SNTG1: variants seen among roughly 807,000 people sequenced by gnomAD.
The protein encoded by SNTG1 is gamma-1-syntrophin.
SNTG1 carries 39 observed loss-of-function variants against 74.7 expected under a neutral mutation model. The observed-to-expected ratio is 0.52, with a 90% CI of 0.40 to 0.68. The LOEUF (loss-of-function observed/expected upper bound fraction) is 0.68, where lower values mean the gene tolerates loss of function less well. Among genes scored for constraint, SNTG1 ranks in the 30% least tolerant of loss-of-function variants. The probability of loss-of-function intolerance (pLI) is 0.00; values close to 1 mark genes in which losing one functional copy is unlikely to be tolerated. For missense variants in SNTG1, 685 were observed against 609.5 expected (o/e 1.12, Z -1.30); for synonymous variants, 254 against 217.1 (o/e 1.17, Z -1.49).
chr8:50,301,170 C>A (rs2089629337), intron 2 of SNTG1, among the ~76,000 whole-genome samples: 1 of 152,014 alleles, frequency 6.6e-6, no homozygotes, highest in Non-Finnish European at 1.5e-5. Flanking sequence ...TCCTTCATCA[C>A]TCTCTCCTGC....
chr8:50,436,142 A>G (rs1169112553), intron 4 of SNTG1, among the ~76,000 whole-genome samples: 4 of 152,144 alleles, frequency 2.6e-5, no homozygotes, highest in Non-Finnish European at 2.9e-5. Flanking sequence ...TGAAATTTGT[A>G]TTTTAAGACA....
intron 4 of SNTG1, among the ~76,000 whole-genome samples, chr8:50,404,642 G>A (rs896045519): frequency 2.0e-5 from 3 of 151,388 alleles, no homozygotes; most frequent in African/African-American, 2.4e-5. Flanking sequence ...TTTTTTAACT[G>A]TGGTAAAATA....
At chr8:50,259,103 C>T (rs1308859647) in intron 2 of SNTG1, among the ~76,000 whole-genome samples, 1 of 152,142 alleles carries the variant, frequency 6.6e-6, no homozygotes, top group Admixed American at 6.6e-5. Flanking sequence ...TTTACAAGGA[C>T]ATTGCCATGG....
intron 2 of SNTG1, among the ~76,000 whole-genome samples, chr8:50,238,839 G>A (rs535006947): frequency 6.6e-6 from 1 of 151,988 alleles, no homozygotes; most frequent in Non-Finnish European, 1.5e-5. Flanking sequence ...AATGTTCATA[G>A]ACAGACACTT....
intron 1 of SNTG1, among the ~76,000 whole-genome samples, chr8:50,155,104 CA>C (rs1181537825): frequency 6.6e-6 from 1 of 152,092 alleles, no homozygotes; most frequent in Non-Finnish European, 1.5e-5. Flanking sequence ...TACTTGAGAT[CA>C]ATTAATAGAG....
In SNTG1 at chr8:50,775,029, T is replaced by C. The variant is rs986147804; in HGVS notation, c.1396-17642T>C. Reference sequence around the variant, plus strand: ...ATACATATATATACATGTACATATATAGTGTTATAACCCCCAAAATAAAAA... The same window carrying C: ...ATACATATATATACATGTACATATACAGTGTTATAACCCCCAAAATAAAAA... On this transcript the variant is annotated intron_variant, in intron 18 of 18. Transcript: ENST00000642720. 4.0e-5 allele frequency among the ~76,000 whole-genome samples: 6 copies of C among 150,886 alleles called. No individual in the cohort carries two copies. In the Admixed American group the frequency reaches 4.0e-4, roughly 10 times the overall value.
At chr8:50,776,833 C>A (rs891612281) in intron 18 of SNTG1, among the ~76,000 whole-genome samples, 1 of 151,774 alleles carries the variant, frequency 6.6e-6, no homozygotes, top group African/African-American at 2.4e-5. Context: ...CCCTTAATTT[C>A]TGAAGCACTA....
At chr8:50,301,056 T>A (rs1310472784) in intron 2 of SNTG1, among the ~76,000 whole-genome samples, 2 of 152,172 alleles carry the variant, frequency 1.3e-5, no homozygotes, top group African/African-American at 4.8e-5. Context: ...TGTGTGTTTT[T>A]GTATGTGCTT....
intron 2 of SNTG1, among the ~76,000 whole-genome samples, chr8:50,218,214 G>A (rs1223745758): frequency 6.6e-6 from 1 of 152,162 alleles, no homozygotes; most frequent in Non-Finnish European, 1.5e-5. Context: ...AACTATCTCT[G>A]AGGAATGCAC....
rs183927242 is a variant in SNTG1, at chr8:50,120,684, G to A, written c.-102-51877G>A. Among the ~76,000 whole-genome samples, 85 of 141,852 alleles carry A rather than the reference G, an allele frequency of 6.0e-4. 18 individuals carry two copies. The highest frequency in any genetic ancestry group is 1.1e-3 in the South Asian group (4 of 3,800). 93.1% of individuals were successfully genotyped at this position (141,852 alleles called of 152,430 possible). A position where few individuals can be genotyped will look rare whatever the true frequency, so the allele number is the denominator to read the frequency against. On this transcript the variant is annotated intron_variant, in intron 1 of 18. Coordinates refer to ENST00000642720, the MANE Select transcript of SNTG1 (RefSeq NM_018967.5). ...TATTACCGCTGTTATCACCACCAAC[G>A]CTACTAATAGTATTGCAATGAGGTT...
intron 15 of SNTG1, among the ~76,000 whole-genome samples, chr8:50,659,835 A>G (rs570873365): frequency 6.6e-6 from 1 of 152,284 alleles, no homozygotes; most frequent in South Asian, 2.1e-4. Flanking sequence ...AAAATGGCTA[A>G]TGAGATAGCT....
At chr8:50,569,294 T>G (rs1406279434) in intron 12 of SNTG1, among the ~76,000 whole-genome samples, 2 of 152,104 alleles carry the variant, frequency 1.3e-5, no homozygotes, top group Non-Finnish European at 2.9e-5. Flanking sequence ...ACACAGCCCT[T>G]CAGGATTCAC....
At chr8:50,514,528 G>A (rs555280343) in intron 9 of SNTG1, among the ~76,000 whole-genome samples, 1 of 152,076 alleles carries the variant, frequency 6.6e-6, no homozygotes, top group East Asian at 1.9e-4. Context: ...CCACTCATTT[G>A]TGTATTTTTC....
At chr8:50,511,914 C>T (rs866699927) in intron 9 of SNTG1, among the ~76,000 whole-genome samples, 3 of 152,106 alleles carry the variant, frequency 2.0e-5, no homozygotes, top group African/African-American at 4.8e-5. Context: ...AGCCCATTTA[C>T]ATTTAAGGTT....
At position 50,538,778 on chromosome 8, in the gene SNTG1, C is replaced by G. The variant is rs78887757; in HGVS notation, c.680+1970C>G. ...ATTCCTTCAAACACTTGATTAGTCC[C>G]GCTTTCCATTCTCTCCCTCTACATC... On this transcript the variant is annotated intron_variant, in intron 11 of 18. Coordinates refer to ENST00000642720, the MANE Select transcript of SNTG1 (RefSeq NM_018967.5). Among the ~76,000 whole-genome samples the G allele has an allele frequency of 5.0e-3, 765 of 152,128 alleles. 5 individuals carry two copies. Among genetic ancestry groups the G allele is most frequent in the Middle Eastern group, 0.02 (6 of 294 alleles).
At chr8:50,628,005 C>G (rs889454200) in intron 13 of SNTG1, among the ~76,000 whole-genome samples, 3 of 152,160 alleles carry the variant, frequency 2.0e-5, no homozygotes, top group African/African-American at 7.2e-5. Context: ...AAGTCCTAAC[C>G]TTCTAATCAA....
intron 1 of SNTG1, among the ~76,000 whole-genome samples, chr8:50,159,299 C>T (rs1304072238): frequency 6.6e-6 from 1 of 152,044 alleles, no homozygotes; most frequent in Non-Finnish European, 1.5e-5. Flanking sequence ...TTTCTGTCCA[C>T]TTGAGGCAAT....
chr8:50,026,599 A>G (rs890780600), intron 1 of SNTG1, among the ~76,000 whole-genome samples: 4 of 152,284 alleles, frequency 2.6e-5, no homozygotes, highest in Admixed American at 2.6e-4. Context: ...ACAGAAACCC[A>G]AAACCAACCA....
At chr8:50,168,259 AC>A (rs984735718) in intron 1 of SNTG1, among the ~76,000 whole-genome samples, 9 of 152,340 alleles carry the variant, frequency 5.9e-5, no homozygotes, top group African/African-American at 2.2e-4. Flanking sequence ...CATACTTCAT[AC>A]AAACACAAAC....
Sources: allele counts gnomAD v4.1 joint callset (sites outside exome capture counted in the v4.1 genomes callset), GRCh38; gene constraint gnomAD v4.1.1; transcripts MANE v1.5; gene names NCBI Gene and HGNC (gene_info 2026-07-23, HGNC 2026-07-21).